The following SHISA6 variants were observed in gnomAD, a reference collection of about 807,000 sequenced individuals.
SHISA6 encodes shisa family member 6.
Under a neutral mutation model 47.9 loss-of-function variants are expected in SHISA6, and 22 were observed. That is an observed-to-expected ratio of 0.46 (90% CI 0.33 to 0.66). The LOEUF is 0.66. SHISA6 is among the 30% of genes least tolerant of loss of function. The pLI, the probability that SHISA6 is intolerant of heterozygous loss-of-function variation, is 0.02. For synonymous variants in SHISA6, 388 were observed against 337.8 expected (o/e 1.15, Z -1.63); for missense variants, 680 against 764.6 (o/e 0.89, Z 1.30).
chr17:11,255,112 C>A (rs1907958962), intron 1 of SHISA6, among the ~76,000 whole-genome samples: 2 of 152,200 alleles, frequency 1.3e-5, no homozygotes, highest in Non-Finnish European at 2.9e-5. Flanking sequence ...TTTGTTTACA[C>A]CTGTATTCTA....
chr17:11,504,581 A>G (rs544220935), intron 3 of SHISA6, among the ~76,000 whole-genome samples: 9 of 152,340 alleles, frequency 5.9e-5, no homozygotes, highest in African/African-American at 2.2e-4. Flanking sequence ...AATCACATGC[A>G]TCGGCCCAGG....
intron 2 of SHISA6, among the ~76,000 whole-genome samples, chr17:11,277,376 A>G (rs1307065059): frequency 1.3e-5 from 2 of 151,430 alleles, no homozygotes; most frequent in African/African-American, 2.4e-5. Context: ...GAGTGTAGCC[A>G]TGGGCATATC....
chr17:11,514,043 G>A (rs570215070), intron 3 of SHISA6, among the ~76,000 whole-genome samples: 1 of 152,294 alleles, frequency 6.6e-6, no homozygotes, highest in Non-Finnish European at 1.5e-5. Context: ...TGCTCTGACA[G>A]TCTGGTGCTC....
At chr17:11,312,525 A>G (rs1357588546) in intron 2 of SHISA6, among the ~76,000 whole-genome samples, 1 of 152,020 alleles carries the variant, frequency 6.6e-6, no homozygotes, top group Non-Finnish European at 1.5e-5. Flanking sequence ...AAAATATACC[A>G]CTCACCTCCT....
intron 1 of SHISA6, among the ~76,000 whole-genome samples, chr17:11,252,912 C>T (rs1448609258): frequency 6.6e-6 from 1 of 152,192 alleles, no homozygotes; most frequent in Non-Finnish European, 1.5e-5. Context: ...CCTGAAGTTT[C>T]CCAGGAATGG....
chr17:11,560,144 G>T lies in SHISA6; in HGVS notation c.*1840G>T, dbSNP rs2072027985. 1 of 152,180 alleles carries T rather than the reference G, an allele frequency of 6.6e-6. No individual in the cohort carries two copies. Among genetic ancestry groups the T allele is most frequent in the African/African-American group, 2.4e-5 (1 of 41,454 alleles). The allele number at this position is 152,180 out of a possible 1,614,324, so 9.4% of individuals were successfully genotyped here. ...TCCACAAACCACAGAGAAAGCAATG[G>T]ACTGTGTCCTTTCACTGATTTCAAG... On this transcript the variant is annotated 3_prime_UTR_variant, in exon 6 of 6. Transcript: ENST00000441885.
At chr17:11,435,406 C>G (rs1284201119) in intron 3 of SHISA6, among the ~76,000 whole-genome samples, 1 of 152,048 alleles carries the variant, frequency 6.6e-6, no homozygotes, top group Non-Finnish European at 1.5e-5. Context: ...TATCTGTCCT[C>G]AGTATCTGTA....
At chr17:11,407,575 C>G (rs1454355813) in intron 3 of SHISA6, among the ~76,000 whole-genome samples, 3 of 151,860 alleles carry the variant, frequency 2.0e-5, no homozygotes, top group African/African-American at 7.3e-5. Flanking sequence ...CAGGGACTTT[C>G]AATAGCTAAC....
At chr17:11,371,208 T>A (rs1245223967) in intron 2 of SHISA6, among the ~76,000 whole-genome samples, 1 of 152,178 alleles carries the variant, frequency 6.6e-6, no homozygotes, top group Non-Finnish European at 1.5e-5. Context: ...AGCTGCCTTG[T>A]TAGTTCAGCA....
chr17:11,480,043 G>T (rs1358092318), intron 3 of SHISA6, among the ~76,000 whole-genome samples: 1 of 152,040 alleles, frequency 6.6e-6, no homozygotes, highest in East Asian at 1.9e-4. Context: ...ACTTCTGAAG[G>T]ATAATTTCAC....
intron 3 of SHISA6, among the ~76,000 whole-genome samples, chr17:11,474,128 A>T (rs78849292): frequency 0.013 from 1,988 of 152,112 alleles, 41 homozygotes; most frequent in African/African-American, 0.042. Flanking sequence ...TCCATGATGT[A>T]TATGGCCACA....
At chr17:11,491,754 G>A (rs1169925926) in intron 3 of SHISA6, among the ~76,000 whole-genome samples, 1 of 149,336 alleles carries the variant, frequency 6.7e-6, no homozygotes, top group Non-Finnish European at 1.5e-5. Context: ...TGTACTGAAA[G>A]GGAAGCTGGT....
chr17:11,374,222 A>G (rs928298175), intron 2 of SHISA6, among the ~76,000 whole-genome samples: 3 of 151,234 alleles, frequency 2.0e-5, no homozygotes, highest in African/African-American at 7.3e-5. Context: ...TCTTTTCCCT[A>G]TTTTTTTAAT....
At chr17:11,307,816 G>A (rs1453793119) in intron 2 of SHISA6, among the ~76,000 whole-genome samples, 1 of 152,108 alleles carries the variant, frequency 6.6e-6, no homozygotes, top group African/African-American at 2.4e-5. Context: ...TGAGTAAAGG[G>A]ATATTGAATA....
At chr17:11,424,999 T>G (rs1192055161) in intron 3 of SHISA6, among the ~76,000 whole-genome samples, 2 of 90,628 alleles carry the variant, frequency 2.2e-5, no homozygotes, top group East Asian at 6.9e-4. Context: ...AGAGTGATAC[T>G]CCGTCTCAAA....
intron 1 of SHISA6, among the ~76,000 whole-genome samples, chr17:11,253,627 C>T (rs563298520): frequency 1.3e-5 from 2 of 152,082 alleles, no homozygotes; most frequent in African/African-American, 2.4e-5. Flanking sequence ...AGGGATTAGC[C>T]TGCCCTTATT....
At chr17:11,417,708 G>A (rs573098072) in intron 3 of SHISA6, among the ~76,000 whole-genome samples, 27 of 152,194 alleles carry the variant, frequency 1.8e-4, no homozygotes, top group South Asian at 4.1e-4. Context: ...CTGGTAGTTC[G>A]GACATGGTAG....
chr17:11,293,459 G>C (rs1250268961), intron 2 of SHISA6, among the ~76,000 whole-genome samples: 4 of 152,176 alleles, frequency 2.6e-5, no homozygotes, highest in African/African-American at 9.7e-5. Context: ...GAGAGAACAG[G>C]CTTTGGGAGA....
At chr17:11,274,913 A>G (rs968505055) in intron 2 of SHISA6, among the ~76,000 whole-genome samples, 1 of 152,182 alleles carries the variant, frequency 6.6e-6, no homozygotes, top group Non-Finnish European at 1.5e-5. Context: ...TGAATGGGCG[A>G]GGAGGAGAGT....
Sources: gnomAD v4.1 joint callset for allele counts (sites outside exome capture counted in the v4.1 genomes callset) on GRCh38, gnomAD v4.1.1 for gene constraint, MANE v1.5 for transcripts, NCBI Gene and HGNC (gene_info 2026-07-23, HGNC 2026-07-21) for gene names.